PCSK5: variants seen among roughly 807,000 people sequenced by gnomAD.
PCSK5 encodes the protein prohormone convertase 5.
A neutral mutation model predicts 233.2 loss-of-function variants in PCSK5; 129 were observed. That is an observed-to-expected ratio of 0.55 (90% CI 0.48 to 0.64). The LOEUF (loss-of-function observed/expected upper bound fraction) is 0.64, where lower values mean the gene tolerates loss of function less well. PCSK5 is among the 30% of genes least tolerant of loss of function. The pLI is 0.00. For missense variants in PCSK5, 2,076 were observed against 2,430.1 expected (o/e 0.85, Z 3.06); for synonymous variants, 825 against 879.2 (o/e 0.94, Z 1.09).
intron 10 of PCSK5, among the ~76,000 whole-genome samples, chr9:76,155,287 A>G (rs1823843538): frequency 6.6e-6 from 1 of 152,194 alleles, no homozygotes; most frequent in African/African-American, 2.4e-5. Context: ...TCCCCAAACA[A>G]GGAAATTGTG....
At chr9:75,961,445 C>T (rs1045340152) in intron 2 of PCSK5, among the ~76,000 whole-genome samples, 3 of 152,194 alleles carry the variant, frequency 2.0e-5, no homozygotes, top group Non-Finnish European at 4.4e-5. Flanking sequence ...ATATGGCAGC[C>T]GCTAACCACT....
At chr9:76,234,133 A>G (rs1826180864) in intron 22 of PCSK5, among the ~76,000 whole-genome samples, 1 of 150,922 alleles carries the variant, frequency 6.6e-6, no homozygotes, top group South Asian at 2.1e-4. Context: ...CTGACCCTTG[A>G]CTCCTTTCCA....
chr9:76,307,265 T>C (rs1306904866), intron 28 of PCSK5, among the ~76,000 whole-genome samples: 2 of 151,994 alleles, frequency 1.3e-5, no homozygotes, highest in Non-Finnish European at 2.9e-5. Flanking sequence ...CCCGGCTGAC[T>C]CTTAGGATGA....
chr9:76,267,089 A>G (rs1177484471), intron 24 of PCSK5, among the ~76,000 whole-genome samples: 1 of 152,170 alleles, frequency 6.6e-6, no homozygotes, highest in Non-Finnish European at 1.5e-5. Flanking sequence ...AAATGCCACA[A>G]AGAACAATGG....
At chr9:76,157,187 C>G (rs1383333762) in intron 11 of PCSK5, 25 bp downstream of exon 11, 10 of 1,479,590 alleles carry the variant, frequency 6.8e-6, no homozygotes, top group Middle Eastern at 2.1e-4. Context: ...CGGCAAACAG[C>G]ATGACAATGC....
intron 24 of PCSK5, among the ~76,000 whole-genome samples, chr9:76,279,827 G>T (rs1353457454): frequency 6.6e-6 from 1 of 151,302 alleles, no homozygotes; most frequent in East Asian, 1.9e-4. Flanking sequence ...TTTGTCAGAT[G>T]AGTAGGTTGC....
intron 2 of PCSK5, among the ~76,000 whole-genome samples, chr9:75,946,611 C>T (rs571619446): frequency 2.9e-4 from 44 of 152,172 alleles, no homozygotes; most frequent in African/African-American, 1.0e-3. Flanking sequence ...TTTTTTGAGA[C>T]AGAGTCTCAC....
intron 30 of PCSK5, among the ~76,000 whole-genome samples, chr9:76,314,882 C>T (rs780300722): frequency 5.9e-5 from 9 of 151,766 alleles, no homozygotes; most frequent in Admixed American, 1.3e-4. Context: ...CCTCGTGATC[C>T]GACCACCGTG....
intron 24 of PCSK5, among the ~76,000 whole-genome samples, chr9:76,260,749 C>A (rs1448748795): frequency 2.6e-5 from 4 of 152,180 alleles, no homozygotes; most frequent in African/African-American, 4.8e-5. Flanking sequence ...AGACTTCTAA[C>A]CTACAGGACT....
chr9:75,909,100 G>A (rs770811665), intron 1 of PCSK5, among the ~76,000 whole-genome samples: 6 of 151,904 alleles, frequency 3.9e-5, no homozygotes, highest in Non-Finnish European at 8.8e-5. Flanking sequence ...CGAGGTGGGC[G>A]GATCACCTGA....
chr9:76,100,987 C>T (rs536949286), intron 8 of PCSK5, among the ~76,000 whole-genome samples: 42 of 152,284 alleles, frequency 2.8e-4, no homozygotes, highest in African/African-American at 1.0e-3. Context: ...CAAATTTCAC[C>T]TCAAAGAGGA....
chr9:76,224,580 G>T (rs1015077625), intron 20 of PCSK5, among the ~76,000 whole-genome samples: 1 of 152,172 alleles, frequency 6.6e-6, no homozygotes, highest in African/African-American at 2.4e-5. Flanking sequence ...AGGGATAATC[G>T]CACAGTGACA....
chr9:76,222,019 A>G (rs1825742870), intron 20 of PCSK5, among the ~76,000 whole-genome samples: 1 of 152,212 alleles, frequency 6.6e-6, no homozygotes, highest in African/African-American at 2.4e-5. Flanking sequence ...CCTCCAGGGT[A>G]GGGATGTAGA....
chr9:76,100,426 A>G (rs1457827501), intron 8 of PCSK5, among the ~76,000 whole-genome samples: 1 of 152,200 alleles, frequency 6.6e-6, no homozygotes, highest in Non-Finnish European at 1.5e-5. Context: ...GCAACATCTC[A>G]TTGTATTCTT....
chr9:76,232,194 C>A (rs564034839), intron 21 of PCSK5, among the ~76,000 whole-genome samples: 11 of 152,274 alleles, frequency 7.2e-5, no homozygotes, highest in African/African-American at 2.6e-4. Context: ...GTGCTTGAGG[C>A]CTACATCTGA....
At position 76,334,884 on chromosome 9, in the gene PCSK5, C is replaced by A. The variant is rs148427601; in HGVS notation, c.4748+2274C>A. ...CTTGAGGCCAGGAGTTCACGACCAG[C>A]CTTGCCAACATGGTGAGACCCTGTC... On this transcript the variant is annotated intron_variant, in intron 34 of 37. Coordinates refer to ENST00000674117, the MANE Select transcript of PCSK5 (RefSeq NM_001372043.1). 5.9e-3 allele frequency among the ~76,000 whole-genome samples: 900 copies of A among 152,278 alleles called. 5 individuals are homozygous for A. The highest frequency in any genetic ancestry group is 9.9e-3 in the Non-Finnish European group (672 of 68,012).
At chr9:76,083,204 CAAAAAAAAAAA>C (rs11324176) in intron 7 of PCSK5, among the ~76,000 whole-genome samples, 1 of 75,460 alleles carries the variant, frequency 1.3e-5, no homozygotes, top group East Asian at 3.5e-4. Context: ...AGCGAGATCT[CAAAAAAAAAAA>C]AAAAAAAAAA....
chr9:76,055,580 T>C (rs1162023088), intron 5 of PCSK5, among the ~76,000 whole-genome samples: 2 of 152,162 alleles, frequency 1.3e-5, no homozygotes, highest in African/African-American at 4.8e-5. Flanking sequence ...CAGTAAAATA[T>C]ACTATCAAAT....
chr9:75,994,034 C>T (rs1328116250), intron 3 of PCSK5, among the ~76,000 whole-genome samples: 4 of 152,188 alleles, frequency 2.6e-5, no homozygotes, highest in African/African-American at 9.7e-5. Context: ...CCTCCCGAAA[C>T]TCAAGTTCCC....
Sources: gnomAD v4.1 joint callset for allele counts (sites outside exome capture counted in the v4.1 genomes callset) on GRCh38, gnomAD v4.1.1 for gene constraint, MANE v1.5 for transcripts, NCBI Gene and HGNC (gene_info 2026-07-23, HGNC 2026-07-21) for gene names.